Variants in GFRAL observed in about 807,000 individuals in gnomAD.
GFRAL encodes the protein GDNF family receptor alpha-like.
In GFRAL, 36 loss-of-function variants were observed where a neutral mutation model predicts 45.4. That is an observed-to-expected ratio of 0.79 (90% CI 0.61 to 1.05). The LOEUF (loss-of-function observed/expected upper bound fraction) is 1.05, where lower values mean the gene tolerates loss of function less well. GFRAL is among the 50% of genes least tolerant of loss of function. The pLI, the probability that GFRAL is intolerant of heterozygous loss-of-function variation, is 0.00. For missense variants in GFRAL, 507 were observed against 467.5 expected, an observed-to-expected ratio of 1.08 and a Z score of -0.78; for synonymous variants, 166 against 154.1, an observed-to-expected ratio of 1.08 and a Z score of -0.57.
intron 3 of GFRAL, 94 bp from the exon 4 acceptor site, chr6:55,349,998 G>A: frequency 1.3e-6 from 1 of 746,188 alleles, no homozygotes; most frequent in South Asian, 1.4e-5. Flanking sequence ...TTGAATATAT[G>A]TGGACTTTAC....
At chr6:55,347,310 C>A (rs1311913470) in intron 3 of GFRAL, among the ~76,000 whole-genome samples, 1 of 152,068 alleles carries the variant, frequency 6.6e-6, no homozygotes, top group Non-Finnish European at 1.5e-5. Flanking sequence ...GAGAGAACTT[C>A]ATGTCAATGT....
chr6:55,339,590 A>T (rs939420553), intron 3 of GFRAL, among the ~76,000 whole-genome samples: 4 of 152,202 alleles, frequency 2.6e-5, no homozygotes, highest in Non-Finnish European at 5.9e-5. Flanking sequence ...AGGAAAAGAA[A>T]CTACAGAGAG....
At chr6:55,364,423 G>A (rs1204770936) in intron 6 of GFRAL, among the ~76,000 whole-genome samples, 1 of 146,100 alleles carries the variant, frequency 6.8e-6, no homozygotes, top group Admixed American at 6.8e-5. Flanking sequence ...CTTTTGCTGT[G>A]CAGAAGCTCT....
chr6:55,393,876 T>C (rs60676898), intron 6 of GFRAL, among the ~76,000 whole-genome samples: 34,062 of 152,078 alleles, frequency 0.22, 5,152 homozygotes, highest in African/African-American at 0.44. Context: ...TAATAGATAA[T>C]CCTGATTGCT....
intron 6 of GFRAL, among the ~76,000 whole-genome samples, chr6:55,373,880 C>A (rs951593761): frequency 1.3e-5 from 2 of 152,030 alleles, no homozygotes; most frequent in African/African-American, 4.8e-5. Flanking sequence ...ATTAGCTATT[C>A]TTCCTGATGC....
intron 5 of GFRAL, among the ~76,000 whole-genome samples, chr6:55,358,300 G>T (rs1384860481): frequency 6.6e-6 from 1 of 151,524 alleles, no homozygotes; most frequent in African/African-American, 2.4e-5. Context: ...TATTCTTATT[G>T]TAAAAAAATT....
rs199552604 is a variant in GFRAL, at chr6:55,390,929, CACACAA to C, written c.953-8250_953-8245del. On this transcript the variant is annotated intron_variant, in intron 6 of 8. Transcript: ENST00000340465. The stretch of plus-strand genomic sequence containing the variant: ...ACACACACACACACACACACACACA[CACACAA>C]GTAGTGGTCTAACTCACAGGGCATT... Among the ~76,000 whole-genome samples the C allele has an allele frequency of 7.2e-3, 1,055 of 146,960 alleles. 12 individuals are homozygous for C. The highest frequency in any genetic ancestry group is 0.025 in the African/African-American group (977 of 38,776).
chr6:55,341,959 G>T (rs1767972117), intron 3 of GFRAL, among the ~76,000 whole-genome samples: 3 of 152,056 alleles, frequency 2.0e-5, no homozygotes, highest in Non-Finnish European at 4.4e-5. Flanking sequence ...GAAGCGAGAA[G>T]AGAAGTTTAG....
At chr6:55,342,540 G>C (rs1423005290) in intron 3 of GFRAL, among the ~76,000 whole-genome samples, 1 of 152,072 alleles carries the variant, frequency 6.6e-6, no homozygotes, top group Admixed American at 6.6e-5. Context: ...AACATGGAAA[G>C]GGACAACCGG....
intron 5 of GFRAL, among the ~76,000 whole-genome samples, chr6:55,353,152 A>G (rs1581908491): frequency 6.6e-6 from 1 of 152,014 alleles, no homozygotes; most frequent in Non-Finnish European, 1.5e-5. Context: ...ACAGGCCTAT[A>G]TCATATGAGG....
At position 55,399,579 on chromosome 6, in the gene GFRAL, T is replaced by A. The variant is rs567894409; in HGVS notation, c.1121+138T>A. ...TTAAGACATATTAAATCAAGTTTTA[T>A]GTGGCATAGGTCCATGGAAACGTTA... On this transcript the variant is annotated intron_variant, in intron 8 of 8. Coordinates refer to ENST00000340465, the MANE Select transcript of GFRAL (RefSeq NM_207410.2). 4.8e-6 allele frequency: 3 copies of A among 629,636 alleles called. No individual in the cohort carries two copies. The Admixed American group carries it at 8.3e-5, about 17-fold the overall frequency. 39.0% of individuals were successfully genotyped at this position (629,636 alleles called of 1,614,324 possible).
At chr6:55,369,217 C>A (rs560429411) in intron 6 of GFRAL, among the ~76,000 whole-genome samples, 3 of 152,200 alleles carry the variant, frequency 2.0e-5, no homozygotes, top group African/African-American at 4.8e-5. Context: ...AGGTGCCGTC[C>A]GTCACCCCTT....
intron 6 of GFRAL, among the ~76,000 whole-genome samples, chr6:55,391,489 C>G (rs937371130): frequency 6.6e-6 from 1 of 152,140 alleles, no homozygotes; most frequent in Non-Finnish European, 1.5e-5. Context: ...AGTGGCTCAT[C>G]CATGTAATCC....
chr6:55,395,391 A>G (rs1422340494), intron 6 of GFRAL, among the ~76,000 whole-genome samples: 1 of 151,840 alleles, frequency 6.6e-6, no homozygotes, highest in Non-Finnish European at 1.5e-5. Context: ...TTATAGTACA[A>G]ACTATTTTCA....
chr6:55,364,877 C>T (rs1256823286), intron 6 of GFRAL, among the ~76,000 whole-genome samples: 1 of 152,142 alleles, frequency 6.6e-6, no homozygotes, highest in Non-Finnish European at 1.5e-5. Flanking sequence ...TAGCGAGATG[C>T]CTCCAGCTTT....
In GFRAL at chr6:55,348,767, G is replaced by T. The variant is rs150618707; in HGVS notation, c.317-1325G>T. On this transcript the variant is annotated intron_variant, in intron 3 of 8. Coordinates refer to ENST00000340465, the MANE Select transcript of GFRAL (RefSeq NM_207410.2). ...CCCCATAACTGCACACGGAGATTAT[G>T]GCTCCAACTTATGAATGTAGGGGTA... Among the ~76,000 whole-genome samples the T allele has an allele frequency of 8.2e-3, 1,253 of 152,152 alleles. 3 individuals are homozygous for T. Among genetic ancestry groups the T allele is most frequent in the Non-Finnish European group, 0.013 (903 of 67,992 alleles).
At chr6:55,344,909 A>G (rs1768018307) in intron 3 of GFRAL, among the ~76,000 whole-genome samples, 1 of 152,222 alleles carries the variant, frequency 6.6e-6, no homozygotes, top group South Asian at 2.1e-4. Flanking sequence ...AGACAAACAG[A>G]GAGCCAAATC....
At chr6:55,384,143 G>A (rs1388284784) in intron 6 of GFRAL, among the ~76,000 whole-genome samples, 1 of 151,888 alleles carries the variant, frequency 6.6e-6, no homozygotes. Flanking sequence ...GCTAGTGGAG[G>A]GATAGCATTA....
chr6:55,333,716 T>G (rs1349104868), intron 2 of GFRAL, 70 bp from the exon 3 acceptor site: 2 of 956,532 alleles, frequency 2.1e-6, no homozygotes, highest in South Asian at 3.0e-5. Flanking sequence ...ATGTTAAAAG[T>G]ACTTTGGGGA....
Sources: gnomAD v4.1 joint callset for allele counts (sites outside exome capture counted in the v4.1 genomes callset) on GRCh38, gnomAD v4.1.1 for gene constraint, MANE v1.5 for transcripts, NCBI Gene and HGNC (gene_info 2026-07-23, HGNC 2026-07-21) for gene names.